ARAP2: variants seen among roughly 807,000 people sequenced by gnomAD.
ARAP2 encodes ArfGAP with RhoGAP domain, ankyrin repeat and PH domain 2, also known as arf-GAP with Rho-GAP domain, ANK repeat and PH domain-containing protein 2.
Under a neutral mutation model 194.5 loss-of-function variants are expected in ARAP2, and 148 were observed. The observed-to-expected ratio is 0.76, with a 90% confidence interval of 0.67 to 0.87. The LOEUF (loss-of-function observed/expected upper bound fraction) is 0.87. Ranked by LOEUF, ARAP2 falls within the 40% of genes least tolerant of loss-of-function variation. ARAP2 has a pLI of 0.00. For synonymous variants in ARAP2, 695 were observed against 683.5 expected (o/e 1.02, Z -0.26); for missense variants, 2,128 against 1,989.7 (o/e 1.07, Z -1.32).
chr4:36,136,825 CTG>C, intron 19 of ARAP2, among the ~76,000 whole-genome samples: 1 of 104,398 alleles, frequency 9.6e-6, no homozygotes, highest in East Asian at 3.1e-4. Context: ...GTGTGCGTGT[CTG>C]TGTATCTCAG....
intron 5 of ARAP2, among the ~76,000 whole-genome samples, chr4:36,040,307 AT>A (rs1296609197): frequency 6.6e-6 from 1 of 152,234 alleles, no homozygotes; most frequent in Non-Finnish European, 1.5e-5. Flanking sequence ...CACAAAACAC[AT>A]ACGATGCCCA....
chr4:36,023,621 A>G (rs1434308345), intron 5 of ARAP2, among the ~76,000 whole-genome samples: 1 of 151,376 alleles, frequency 6.6e-6, no homozygotes, highest in African/African-American at 2.4e-5. Context: ...ACTGTACCAC[A>G]TGTTAGTGTT....
At chr4:36,147,872 A>G (rs1439937124) in intron 17 of ARAP2, 126 bp from the exon 18 acceptor site, 1 of 811,146 alleles carries the variant, frequency 1.2e-6, no homozygotes, top group East Asian at 2.7e-5. Context: ...CAAAGGTAAC[A>G]CCAAATTCAA....
intron 1 of ARAP2, among the ~76,000 whole-genome samples, chr4:36,237,187 C>G (rs1452889527): frequency 1.3e-5 from 2 of 152,188 alleles, no homozygotes; most frequent in Admixed American, 1.3e-4. Flanking sequence ...TGCAGGACTA[C>G]AGTACAGCTG....
intron 2 of ARAP2, among the ~76,000 whole-genome samples, chr4:36,052,535 G>T (rs775878208): frequency 5.9e-5 from 9 of 152,188 alleles, no homozygotes; most frequent in Non-Finnish European, 7.3e-5. Context: ...ATTGCTAAGA[G>T]AATGAATAAA....
intron 1 of ARAP2, among the ~76,000 whole-genome samples, chr4:36,243,313 A>G (rs1384949928): frequency 1.3e-5 from 2 of 149,380 alleles, no homozygotes; most frequent in African/African-American, 2.5e-5. Context: ...CTTATTTTCA[A>G]TACACTTCTT....
chr4:36,105,767 C>T (rs1718240158), intron 27 of ARAP2, among the ~76,000 whole-genome samples: 1 of 151,980 alleles, frequency 6.6e-6, no homozygotes, highest in African/African-American at 2.4e-5. Flanking sequence ...GGGTTACCCG[C>T]ACCCTCAGAC....
In ARAP2 at chr4:36,026,721, G is replaced by A. The variant is rs115437793; in HGVS notation, n.608-7435C>T. On this transcript the variant is annotated intron_variant and non_coding_transcript_variant, in intron 5 of 12. Coordinates refer to the ARAP2 transcript ENST00000503225. ...ACTCTTTCTTGGGTGCATGGTGTAC[G>A]CAGTGTTTTTGATGTGAATTATGGC... 4.1e-3 allele frequency among the ~76,000 whole-genome samples: 619 copies of A among 152,316 alleles called. 4 individuals are homozygous for A. The highest frequency in any genetic ancestry group is 0.014 in the African/African-American group (589 of 41,580).
intron 15 of ARAP2, among the ~76,000 whole-genome samples, chr4:36,153,080 T>C (rs1002072691): frequency 5.9e-5 from 9 of 152,164 alleles, no homozygotes; most frequent in Non-Finnish European, 1.0e-4. Flanking sequence ...AAATGACAGA[T>C]CTCTTTAAAA....
rs958348601 is a variant in ARAP2 at position 36,161,540 on chromosome 4, T to A, written c.2184A>T (p.Arg728Ser). Residue 728 changes from arginine to serine, a missense_variant, in exon 12 of 33, where the codon AGA (arginine) becomes AGT (serine). Physicochemically the swap from Arg to Ser is moderately radical, Grantham distance 110. Transcript: ENST00000303965. Reference protein sequence around the residue: ...VICKKCAGQHRSLGPKDSKVR... With the variant: ...VICKKCAGQHSSLGPKDSKVR... ...CCTTGGAATCTTTTGGTCCTAAAGA[T>A]CTATGCTGTCCTAGAGTCAAAACAC... 3 of 1,613,160 alleles carry A rather than the reference T, an allele frequency of 1.9e-6. No individual in the cohort carries two copies. The highest frequency in any genetic ancestry group is 1.7e-4 in the Middle Eastern group (1 of 6,060).
At chr4:36,220,064 G>T (rs990814620) in intron 2 of ARAP2, among the ~76,000 whole-genome samples, 2 of 152,108 alleles carry the variant, frequency 1.3e-5, no homozygotes, top group African/African-American at 4.8e-5. Flanking sequence ...CCTGACATTT[G>T]TATACTACTA....
chr4:36,223,083 G>A lies in ARAP2; in HGVS notation c.905+5499C>T, dbSNP rs141746272. 1.3e-4 allele frequency among the ~76,000 whole-genome samples: 20 copies of A among 152,078 alleles called. No homozygotes were observed. The East Asian group carries it at 3.1e-3, about 23-fold the overall frequency. On this transcript the variant is annotated intron_variant, in intron 2 of 32. Coordinates refer to ENST00000303965, the MANE Select transcript of ARAP2 (RefSeq NM_015230.4). Reference sequence around the variant, plus strand: ...TCATAAACATATCCAGGTAATATACGTCATTGTTGAGGGGCTCAGAAATCT... The same window carrying A: ...TCATAAACATATCCAGGTAATATACATCATTGTTGAGGGGCTCAGAAATCT...
chr4:36,114,674 G>T (rs889112485), intron 25 of ARAP2, among the ~76,000 whole-genome samples: 27 of 151,912 alleles, frequency 1.8e-4, no homozygotes, highest in Non-Finnish European at 1.8e-4. Flanking sequence ...GGTTTATTCA[G>T]CCTAGATTCT....
At chr4:36,008,663 A>G (rs553731972) in intron 9 of ARAP2, among the ~76,000 whole-genome samples, 23 of 152,208 alleles carry the variant, frequency 1.5e-4, no homozygotes, top group Admixed American at 4.6e-4. Context: ...ATCCTCAAAC[A>G]AAAATTTATA....
At chr4:36,086,066 T>C (rs1711711680) in intron 28 of ARAP2, among the ~76,000 whole-genome samples, 1 of 152,064 alleles carries the variant, frequency 6.6e-6, no homozygotes, top group African/African-American at 2.4e-5. Context: ...GTATGCAGTA[T>C]AGGTGACTCC....
At chr4:36,014,090 T>C (rs1352913354) in intron 8 of ARAP2, among the ~76,000 whole-genome samples, 5 of 151,548 alleles carry the variant, frequency 3.3e-5, no homozygotes, top group African/African-American at 1.2e-4. Context: ...GAGCTGAGCA[T>C]GGTGGTGAGT....
chr4:36,177,810 A>G lies in ARAP2; in HGVS notation c.1857+17T>C. 3.2e-6 allele frequency: 5 copies of G among 1,560,970 alleles called. No homozygotes were observed. Among genetic ancestry groups the G allele is most frequent in the Non-Finnish European group, 3.5e-6 (4 of 1,157,754 alleles). On this transcript the variant is annotated intron_variant, in intron 9 of 32. Transcript: ENST00000303965. Reference sequence around the variant, plus strand: ...AATAAAATAGCAGCAATTTGCAATGACTATAACAGAGCTCACCTGTTCGTT... The same window carrying G: ...AATAAAATAGCAGCAATTTGCAATGGCTATAACAGAGCTCACCTGTTCGTT...
intron 1 of ARAP2, among the ~76,000 whole-genome samples, chr4:36,237,294 C>T (rs985993598): frequency 2.0e-5 from 3 of 152,162 alleles, no homozygotes; most frequent in African/African-American, 2.4e-5. Context: ...GAAAACTGGA[C>T]GTCTCCATAT....
intron 32 of ARAP2, among the ~76,000 whole-genome samples, chr4:36,072,042 T>C (rs544927367): frequency 4.6e-5 from 7 of 152,250 alleles, no homozygotes; most frequent in African/African-American, 1.7e-4. Context: ...TTTGTAAATA[T>C]ATTTTTTAAA....
Sources: gnomAD v4.1 joint callset for allele counts (sites outside exome capture counted in the v4.1 genomes callset) on GRCh38, gnomAD v4.1.1 for gene constraint, MANE v1.5 for transcripts, NCBI Gene and HGNC (gene_info 2026-07-23, HGNC 2026-07-21) for gene names.